Variants in DDX6 observed in about 807,000 individuals in gnomAD.
DDX6 encodes DEAD-box helicase 6.
A neutral mutation model predicts 60.6 loss-of-function variants in DDX6; 7 were observed. The observed-to-expected ratio is 0.12, with a 90% CI of 0.07 to 0.22. The LOEUF (loss-of-function observed/expected upper bound fraction) is 0.22. Among genes scored for constraint, DDX6 ranks in the 10% least tolerant of loss-of-function variants. DDX6 has a pLI of 1.00. For missense variants in DDX6, 270 were observed against 589.9 expected, an observed-to-expected ratio of 0.46 and a Z score of 5.62; for synonymous variants, 207 against 201.0, an observed-to-expected ratio of 1.03 and a Z score of -0.25.
chr11:118,779,799 T>C, intron 3 of DDX6, 63 bp from the exon 4 acceptor site: 1 of 1,270,014 alleles, frequency 7.9e-7, no homozygotes, highest in Admixed American at 2.1e-5. Context: ...TGGTGTCCTT[T>C]GGTAAATTTA....
chr11:118,764,138 T>C (rs1239025211), intron 6 of DDX6, among the ~76,000 whole-genome samples: 1 of 152,198 alleles, frequency 6.6e-6, no homozygotes, highest in Non-Finnish European at 1.5e-5. Flanking sequence ...CGAGTATTGT[T>C]AAAAGGATCA....
chr11:118,785,981 T>A, intron 2 of DDX6, 71 bp downstream of exon 2: 1 of 1,454,240 alleles, frequency 6.9e-7, no homozygotes, highest in Non-Finnish European at 9.4e-7. Context: ...TAAGTATTAA[T>A]AGTCAACACC....
At chr11:118,763,178 C>A in intron 7 of DDX6, 34 bp downstream of exon 7, 1 of 1,461,932 alleles carries the variant, frequency 6.8e-7, no homozygotes, top group African/African-American at 1.4e-5. Context: ...CAGAAAAGTA[C>A]AGAACAGTAT....
chr11:118,776,802 C>CA (rs1194042466), intron 4 of DDX6, among the ~76,000 whole-genome samples: 1 of 147,714 alleles, frequency 6.8e-6, no homozygotes, highest in Admixed American at 6.8e-5. Context: ...CACTGCACTC[C>CA]AGCCTGGCAA....
Position 118,768,139 on chromosome 11 carries a change from A to G in DDX6, c.499+84T>C, listed in dbSNP as rs868980693. 8 of 1,293,990 alleles carry G rather than the reference A, an allele frequency of 6.2e-6. No homozygotes were observed. In the Middle Eastern group the frequency reaches 1.6e-3, roughly 257 times the overall value. 80.2% of individuals were successfully genotyped at this position (1,293,990 alleles called of 1,614,324 possible). ...CAAATTTTAGATAATGTAAATTCTG[A>G]CTAAAAAAAGAGTATCTTCTACACA... On this transcript the variant is annotated intron_variant, in intron 5 of 13. Transcript: ENST00000534980.
rs201147781 is a variant in DDX6, at chr11:118,768,141, T to TA, written c.499+81dup. On this transcript the variant is annotated intron_variant, in intron 5 of 13. Transcript: ENST00000534980. ...AATTTTAGATAATGTAAATTCTGAC[T>TA]AAAAAAAGAGTATCTTCTACACATG... is the stretch of plus-strand genomic sequence containing the variant. 5,713 of 1,319,800 alleles carry TA rather than the reference T, an allele frequency of 4.3e-3. 37 individuals carry two copies. Among genetic ancestry groups the TA allele is most frequent in the Middle Eastern group, 0.013 (67 of 5,126 alleles). The allele number at this position is 1,319,800 out of a possible 1,614,324, so 81.8% of individuals were successfully genotyped here. A position where few individuals can be genotyped will look rare whatever the true frequency, so the allele number is the denominator to read the frequency against.
At position 118,750,359 on chromosome 11, in the gene DDX6, A is replaced by C. The variant is rs1164462186; in HGVS notation, c.*1746T>G. ...TGTTGGGAGGGGCACAATTTAAAGC[A>C]ACACTATTGACTGTAAAGCATCTGC... On this transcript the variant is annotated 3_prime_UTR_variant, in exon 14 of 14. Transcript: ENST00000534980. 1.3e-5 allele frequency: 2 copies of C among 152,198 alleles called. No homozygotes were observed. Among genetic ancestry groups the C allele is most frequent in the Admixed American group, 1.3e-4 (2 of 15,270 alleles). The allele number at this position is 152,198 out of a possible 1,614,324, so 9.4% of individuals were successfully genotyped here.
At chr11:118,774,902 G>A (rs975796986) in intron 4 of DDX6, among the ~76,000 whole-genome samples, 63 of 152,246 alleles carry the variant, frequency 4.1e-4, no homozygotes, top group African/African-American at 1.5e-3. Context: ...GGGGAGGGAT[G>A]ACAAAAATAA....
chr11:118,757,414 TGA>T (rs1274445523), intron 9 of DDX6, 127 bp from the exon 10 acceptor site: 27 of 503,762 alleles, frequency 5.4e-5, no homozygotes, highest in Admixed American at 8.1e-5. Context: ...TCTCATGATA[TGA>T]GAGAGATGGT....
intron 2 of DDX6, among the ~76,000 whole-genome samples, chr11:118,783,715 T>C (rs935477929): frequency 1.4e-5 from 2 of 142,814 alleles, no homozygotes; most frequent in African/African-American, 5.2e-5. Context: ...GGCAGGAGAA[T>C]GGCTTGAACT....
Position 118,747,900 on chromosome 11 carries a change from A to AG in DDX6, c.*4204dup, listed in dbSNP as rs1331979099. ...ACATAACACATCCCAACAAAAACAG[A>AG]GCCCCCCCCCCCCCCACTGGAACAT... is the stretch of plus-strand genomic sequence containing the variant. On this transcript the variant is annotated 3_prime_UTR_variant, in exon 14 of 14. Coordinates refer to ENST00000534980, the MANE Select transcript of DDX6 (RefSeq NM_004397.6). 135 of 49,916 alleles carry AG rather than the reference A, an allele frequency of 2.7e-3. 3 individuals carry two copies. Among genetic ancestry groups the AG allele is most frequent in the Middle Eastern group, 0.025 (3 of 122 alleles). 3.1% of individuals were successfully genotyped at this position (49,916 alleles called of 1,614,324 possible). A position where few individuals can be genotyped will look rare whatever the true frequency, so the allele number is the denominator to read the frequency against.
intron 9 of DDX6, among the ~76,000 whole-genome samples, chr11:118,758,407 C>T (rs1487945043): frequency 9.2e-5 from 14 of 151,880 alleles, no homozygotes; most frequent in South Asian, 6.2e-4. Flanking sequence ...GAGTCTTGCT[C>T]TGTCGCCCAG....
intron 9 of DDX6, 33 bp from the exon 10 acceptor site, chr11:118,757,320 TAAA>T: frequency 8.0e-7 from 1 of 1,244,764 alleles, no homozygotes; most frequent in Non-Finnish European, 1.1e-6. Context: ...ATGAGAAAAA[TAAA>T]AAAAACCTTC....
chr11:118,774,965 G>A (rs1481830155), intron 4 of DDX6, among the ~76,000 whole-genome samples: 1 of 152,180 alleles, frequency 6.6e-6, no homozygotes, highest in Non-Finnish European at 1.5e-5. Flanking sequence ...CCTGCCATGA[G>A]GTTATATTTT....
At chr11:118,785,343 T>C (rs1014937989) in intron 2 of DDX6, among the ~76,000 whole-genome samples, 4 of 152,040 alleles carry the variant, frequency 2.6e-5, no homozygotes, top group African/African-American at 9.7e-5. Flanking sequence ...AGTTCCCTTT[T>C]TATATGTAAA....
chr11:118,760,747 G>A (rs1861136190), intron 7 of DDX6, among the ~76,000 whole-genome samples: 1 of 151,404 alleles, frequency 6.6e-6, no homozygotes, highest in Non-Finnish European at 1.5e-5. Context: ...CTTGAACTTG[G>A]GAGGCGGACG....
chr11:118,791,642 G>T (rs1862279964), upstream of DDX6: 1 of 152,142 alleles, frequency 6.6e-6, no homozygotes, highest in Non-Finnish European at 1.5e-5. Context: ...GCTGGCCGGG[G>T]AGGCTGATGC....
chr11:118,768,532 C>T (rs1030880321), intron 4 of DDX6, among the ~76,000 whole-genome samples, 180 bp from the exon 5 acceptor site: 1 of 152,156 alleles, frequency 6.6e-6, no homozygotes, highest in African/African-American at 2.4e-5. Context: ...TCAACATCAA[C>T]ATCATTATAA....
In DDX6 at chr11:118,751,137, A is replaced by G. The variant is rs1433405765; in HGVS notation, c.*968T>C. ...AAAGTTATACAAGTATACACACCCA[A>G]TTTTCTATGGGACACGCTTTGCCAC... On this transcript the variant is annotated 3_prime_UTR_variant, in exon 14 of 14. Transcript: ENST00000534980. 2.0e-5 allele frequency: 3 copies of G among 151,416 alleles called. No homozygotes were observed. The highest frequency in any genetic ancestry group is 7.3e-5 in the African/African-American group (3 of 41,094). 9.4% of individuals were successfully genotyped at this position (151,416 alleles called of 1,614,324 possible). A position where few individuals can be genotyped will look rare whatever the true frequency, so the allele number is the denominator to read the frequency against.
Sources: allele counts gnomAD v4.1 joint callset (sites outside exome capture counted in the v4.1 genomes callset), GRCh38; gene constraint gnomAD v4.1.1; transcripts MANE v1.5; gene names NCBI Gene and HGNC (gene_info 2026-07-23, HGNC 2026-07-21).